SAMMSON: variants seen among roughly 807,000 people sequenced by gnomAD.
SAMMSON encodes the protein survival associated mitochondrial melanoma specific oncogenic non-coding RNA.
intron 2 of SAMMSON, among the ~76,000 whole-genome samples, chr3:70,405,809 G>A (rs1001080822): frequency 5.3e-5 from 8 of 152,240 alleles, no homozygotes; most frequent in African/African-American, 1.7e-4. Context: ...ATTTGTTCAC[G>A]TTTTATGAGA....
intron 4 of SAMMSON, among the ~76,000 whole-genome samples, chr3:70,122,535 GA>G (rs1275690010): frequency 1.3e-5 from 2 of 152,032 alleles, no homozygotes; most frequent in Non-Finnish European, 2.9e-5. Context: ...AGAACATAAA[GA>G]ATATAGATAT....
intron 2 of SAMMSON, among the ~76,000 whole-genome samples, chr3:70,405,284 A>G (rs1310518468): frequency 6.6e-6 from 1 of 152,206 alleles, no homozygotes; most frequent in East Asian, 1.9e-4. Flanking sequence ...CTGATGGCCA[A>G]AAAATAAAAT....
intron 7 of SAMMSON, among the ~76,000 whole-genome samples, chr3:70,339,316 A>C (rs559664207): frequency 6.6e-6 from 1 of 152,146 alleles, no homozygotes; most frequent in Non-Finnish European, 1.5e-5. Flanking sequence ...GAAAACCTAG[A>C]CAGTACCATT....
intron 2 of SAMMSON, among the ~76,000 whole-genome samples, chr3:70,408,108 A>G (rs533032168): frequency 4.8e-4 from 73 of 152,320 alleles, no homozygotes; most frequent in Middle Eastern, 6.8e-3. Flanking sequence ...AGCAGCTGGG[A>G]CACATGGCAC....
chr3:70,258,437 G>A (rs1183919404), intron 6 of SAMMSON, among the ~76,000 whole-genome samples: 1 of 152,100 alleles, frequency 6.6e-6, no homozygotes, highest in Non-Finnish European at 1.5e-5. Flanking sequence ...CAGAGAGAGA[G>A]AGAGAGATTT....
chr3:70,290,806 G>T (rs1702229984), intron 6 of SAMMSON, among the ~76,000 whole-genome samples: 1 of 152,184 alleles, frequency 6.6e-6, no homozygotes, highest in Admixed American at 6.5e-5. Context: ...GTATTCGGGT[G>T]GGAGTGACCC....
At chr3:70,135,178 A>G (rs867309292) in intron 4 of SAMMSON, among the ~76,000 whole-genome samples, 4 of 152,068 alleles carry the variant, frequency 2.6e-5, no homozygotes, top group Admixed American at 6.6e-5. Context: ...GTTTTTTCTC[A>G]GTTGCATTGT....
intron 3 of SAMMSON, among the ~76,000 whole-genome samples, chr3:70,022,178 G>A (rs977741962): frequency 4.0e-5 from 6 of 149,716 alleles, no homozygotes; most frequent in African/African-American, 9.8e-5. Flanking sequence ...TCTACAAACC[G>A]ATTCTGCCCA....
intron 7 of SAMMSON, among the ~76,000 whole-genome samples, chr3:70,339,297 A>G (rs1423159938): frequency 6.6e-6 from 1 of 152,138 alleles, no homozygotes; most frequent in African/African-American, 2.4e-5. Flanking sequence ...ATCATAAAAA[A>G]CCCTAGAAGA....
intron 3 of SAMMSON, among the ~76,000 whole-genome samples, chr3:70,020,755 C>G (rs191794984): frequency 2.0e-5 from 3 of 152,062 alleles, no homozygotes; most frequent in Non-Finnish European, 2.9e-5. Context: ...TACTGTTGAT[C>G]GAGCGCCTTT....
chr3:70,429,767 C>G (rs1350555631), intron 2 of SAMMSON, among the ~76,000 whole-genome samples: 1 of 151,736 alleles, frequency 6.6e-6, no homozygotes, highest in Non-Finnish European at 1.5e-5. Flanking sequence ...GGCTCTCTGT[C>G]TACTACTGGT....
intron 7 of SAMMSON, among the ~76,000 whole-genome samples, chr3:70,300,006 C>T (rs1702331922): frequency 6.6e-6 from 1 of 152,066 alleles, no homozygotes. Flanking sequence ...ATACCTTGGG[C>T]CATCATATTC....
intron 6 of SAMMSON, among the ~76,000 whole-genome samples, chr3:70,253,360 T>C (rs1434433171): frequency 2.6e-5 from 4 of 151,980 alleles, no homozygotes; most frequent in Admixed American, 2.6e-4. Context: ...GGGGGATAAA[T>C]GTGCAAGGGG....
intron 2 of SAMMSON, among the ~76,000 whole-genome samples, chr3:70,417,657 G>A (rs139804994): frequency 6.6e-6 from 1 of 152,088 alleles, no homozygotes; most frequent in Non-Finnish European, 1.5e-5. Context: ...CTCTGAGTTA[G>A]CTTCCTTTTA....
intron 4 of SAMMSON, among the ~76,000 whole-genome samples, chr3:70,202,767 G>T (rs1701253591): frequency 6.6e-6 from 1 of 152,108 alleles, no homozygotes; most frequent in Non-Finnish European, 1.5e-5. Context: ...TGAGCAAAGT[G>T]ATACCCTAAT....
chr3:70,228,592 C>T (rs569805383), intron 4 of SAMMSON, among the ~76,000 whole-genome samples: 15 of 148,086 alleles, frequency 1.0e-4, no homozygotes, highest in African/African-American at 3.0e-4. Context: ...ATTTCAGAGT[C>T]GACTTACTGG....
At chr3:70,138,015 A>G (rs774872975) in intron 4 of SAMMSON, among the ~76,000 whole-genome samples, 82 of 152,218 alleles carry the variant, frequency 5.4e-4, no homozygotes, top group Admixed American at 3.1e-3. Flanking sequence ...CCTTATAAAT[A>G]TTTATTTCTA....
At chr3:70,260,574 C>A (rs13089371) in intron 6 of SAMMSON, among the ~76,000 whole-genome samples, 59,819 of 151,620 alleles carry the variant, frequency 0.39, 13,090 homozygotes, top group Non-Finnish European at 0.51. Flanking sequence ...AAGGGAAGGT[C>A]TGCATATTTT....
Position 70,230,378 on chromosome 3 carries a change from T to G in SAMMSON, n.508-18729T>G, listed in dbSNP as rs141587078. 9.6e-3 allele frequency among the ~76,000 whole-genome samples: 1,459 copies of G among 152,344 alleles called. 22 individuals are homozygous for G. Among genetic ancestry groups the G allele is most frequent in the African/African-American group, 0.033 (1,375 of 41,576 alleles). On this transcript the variant is annotated intron_variant and non_coding_transcript_variant, in intron 4 of 9. Transcript: ENST00000642114. The stretch of plus-strand genomic sequence containing the variant: ...TTTTTTTCACCAGGATATCCTTTCA[T>G]AAAAATCTGTGTATATTTGAGGGCT...
Sources: allele counts gnomAD v4.1 joint callset (sites outside exome capture counted in the v4.1 genomes callset), GRCh38; gene constraint gnomAD v4.1.1; transcripts MANE v1.5; gene names NCBI Gene and HGNC (gene_info 2026-07-23, HGNC 2026-07-21).